NTM: variants seen among roughly 807,000 people sequenced by gnomAD.
NTM encodes the protein neurotrimin.
In NTM, 13 loss-of-function variants were observed where a neutral mutation model predicts 42.1. That is an observed-to-expected ratio of 0.31 (90% CI 0.20 to 0.49). NTM has a LOEUF of 0.49. NTM is among the 20% of genes least tolerant of loss of function. The pLI is 0.99. For missense variants in NTM, 373 were observed against 452.8 expected, an observed-to-expected ratio of 0.82 and a Z score of 1.60; for synonymous variants, 187 against 179.2, an observed-to-expected ratio of 1.04 and a Z score of -0.35.
In NTM at chr11:131,380,301, G is replaced by A. The variant is rs190406779; in HGVS notation, c.82+9413G>A. ...CAGCTCACCTCAACCTCCGCCTCCC[G>A]GGTTCAAGCGATTCTCCTGCTTCAG... On this transcript the variant is annotated intron_variant, in intron 1 of 8. Coordinates refer to ENST00000683400, the MANE Select transcript of NTM (RefSeq NM_001352005.2). 2.6e-3 allele frequency among the ~76,000 whole-genome samples: 383 copies of A among 148,864 alleles called. 2 individuals are homozygous for A. The highest frequency in any genetic ancestry group is 8.7e-3 in the African/African-American group (354 of 40,616).
chr11:131,686,942 C>T (rs539665785), intron 1 of NTM, among the ~76,000 whole-genome samples: 3 of 152,340 alleles, frequency 2.0e-5, no homozygotes, highest in Non-Finnish European at 4.4e-5. Context: ...CCAGGGCACA[C>T]TGGAGTGAAG....
intron 2 of NTM, among the ~76,000 whole-genome samples, chr11:132,046,099 G>A (rs1048759934): frequency 6.6e-6 from 1 of 152,142 alleles, no homozygotes; most frequent in African/African-American, 2.4e-5. Context: ...ACATATTCAA[G>A]CCTCAATTTC....
At chr11:131,385,282 C>T (rs1943173279) in intron 1 of NTM, 1 of 152,148 alleles carries the variant, frequency 6.6e-6, no homozygotes, top group Non-Finnish European at 1.5e-5. Context: ...GTAGTATTCC[C>T]TTGATAAGGA....
At chr11:131,624,591 T>A (rs2062920882) in intron 1 of NTM, among the ~76,000 whole-genome samples, 1 of 152,190 alleles carries the variant, frequency 6.6e-6, no homozygotes, top group African/African-American at 2.4e-5. Context: ...AGGGCCTGCC[T>A]TTGACAGTAG....
intron 1 of NTM, among the ~76,000 whole-genome samples, chr11:131,682,688 C>G (rs1229453603): frequency 6.6e-6 from 1 of 152,232 alleles, no homozygotes; most frequent in African/African-American, 2.4e-5. Context: ...CTGAGCGCAT[C>G]TCTGCTGCAA....
At chr11:131,949,840 T>C (rs2060781609) in intron 2 of NTM, among the ~76,000 whole-genome samples, 1 of 152,186 alleles carries the variant, frequency 6.6e-6, no homozygotes, top group Non-Finnish European at 1.5e-5. Context: ...ACATTTCCTC[T>C]TCCTTCTAAT....
chr11:131,832,424 G>A (rs991462907), intron 1 of NTM, among the ~76,000 whole-genome samples: 1 of 152,066 alleles, frequency 6.6e-6, no homozygotes, highest in African/African-American at 2.4e-5. Flanking sequence ...CTGTATATTT[G>A]TTCTTTGATG....
chr11:131,685,973 A>T (rs915865652), intron 1 of NTM, among the ~76,000 whole-genome samples: 2 of 152,234 alleles, frequency 1.3e-5, no homozygotes. Context: ...CTTACAAAGA[A>T]GTCTGGAGTT....
At chr11:132,168,518 C>T (rs1397558672) in intron 3 of NTM, among the ~76,000 whole-genome samples, 1 of 152,218 alleles carries the variant, frequency 6.6e-6, no homozygotes, top group Non-Finnish European at 1.5e-5. Flanking sequence ...CTCCTGTCAG[C>T]CTGGCCTCCA....
intron 4 of NTM, among the ~76,000 whole-genome samples, chr11:132,266,581 T>C (rs1344780277): frequency 6.6e-6 from 1 of 152,198 alleles, no homozygotes; most frequent in Non-Finnish European, 1.5e-5. Context: ...AGTAGCATGA[T>C]CTAAGTTTTA....
chr11:131,564,189 A>C (rs1410383768), intron 1 of NTM, among the ~76,000 whole-genome samples: 2 of 152,260 alleles, frequency 1.3e-5, no homozygotes, highest in Admixed American at 1.3e-4. Context: ...GGAACTGACT[A>C]ACCATGAGGT....
intron 1 of NTM, among the ~76,000 whole-genome samples, chr11:131,664,739 T>C (rs1055349411): frequency 6.2e-5 from 9 of 145,314 alleles, no homozygotes; most frequent in African/African-American, 2.3e-4. Context: ...AGGGGGCCAC[T>C]GCTCTCTTCC....
rs149031776 is a variant in NTM at position 132,313,325 on chromosome 11, TG to T, written c.783-1226del. 3.3e-3 allele frequency among the ~76,000 whole-genome samples: 507 copies of T among 152,058 alleles called. 2 individuals are homozygous for T. Among genetic ancestry groups the T allele is most frequent in the African/African-American group, 0.012 (487 of 41,316 alleles). On this transcript the variant is annotated intron_variant, in intron 6 of 8. Coordinates refer to ENST00000683400, the MANE Select transcript of NTM (RefSeq NM_001352005.2). ...TTTGTTTTTCTCAATAGCATCCATTTGCCCCAAAGCATGTCCCCTGAATCTG... is the reference window on the plus strand; with the variant it reads ...TTTGTTTTTCTCAATAGCATCCATTTCCCCAAAGCATGTCCCCTGAATCTG...
At chr11:131,537,178 T>G (rs1447875213) in intron 1 of NTM, 3 of 108,030 alleles carry the variant, frequency 2.8e-5, no homozygotes, top group Admixed American at 1.1e-4. Context: ...TCATCTAGAG[T>G]GAAGTTTAAA....
At chr11:131,396,867 C>T (rs1418418949) in intron 1 of NTM, among the ~76,000 whole-genome samples, 1 of 151,958 alleles carries the variant, frequency 6.6e-6, no homozygotes, top group Admixed American at 6.6e-5. Flanking sequence ...AATGTGAACA[C>T]CAATTCTGTT....
intron 1 of NTM, among the ~76,000 whole-genome samples, chr11:131,523,230 A>G (rs1238346409): frequency 2.0e-5 from 3 of 152,238 alleles, no homozygotes; most frequent in African/African-American, 7.2e-5. Context: ...GAACAAATAA[A>G]TGTCAAGAGA....
intron 2 of NTM, among the ~76,000 whole-genome samples, chr11:131,987,832 A>G (rs2066337243): frequency 6.6e-6 from 1 of 152,244 alleles, no homozygotes; most frequent in Non-Finnish European, 1.5e-5. Context: ...ATTAGCAATC[A>G]TTTGCTTAGG....
At chr11:131,416,144 G>A (rs1478555384) in intron 1 of NTM, among the ~76,000 whole-genome samples, 2 of 151,224 alleles carry the variant, frequency 1.3e-5, no homozygotes, top group African/African-American at 4.9e-5. Context: ...ATTTTATCTG[G>A]CAACTATATT....
intron 1 of NTM, among the ~76,000 whole-genome samples, chr11:131,491,686 T>A (rs2136298206): frequency 6.6e-6 from 1 of 152,210 alleles, no homozygotes; most frequent in Middle Eastern, 3.4e-3. Context: ...AAATGACTCA[T>A]CTGTGTTGCA....
Sources: allele counts gnomAD v4.1 joint callset (sites outside exome capture counted in the v4.1 genomes callset), GRCh38; gene constraint gnomAD v4.1.1; transcripts MANE v1.5; gene names NCBI Gene and HGNC (gene_info 2026-07-23, HGNC 2026-07-21).